WWC2: variants seen among roughly 807,000 people sequenced by gnomAD.
WWC2 encodes the protein protein WWC2.
Under a neutral mutation model 138.5 loss-of-function variants are expected in WWC2, and 101 were observed. The ratio of observed to expected loss-of-function variants is 0.73; its 90% CI spans 0.62 to 0.86. The LOEUF is 0.86. Ranked by LOEUF, WWC2 falls within the 40% of genes least tolerant of loss-of-function variation. The probability of loss-of-function intolerance (pLI) is 0.00; values close to 1 mark genes in which losing one functional copy is unlikely to be tolerated. For missense variants in WWC2, 1,420 were observed against 1,419.4 expected, an observed-to-expected ratio of 1.00 and a Z score of -0.01; for synonymous variants, 558 against 538.4, an observed-to-expected ratio of 1.04 and a Z score of -0.50.
At chr4:183,138,292 A>G (rs1733184227) in intron 1 of WWC2, among the ~76,000 whole-genome samples, 1 of 152,126 alleles carries the variant, frequency 6.6e-6, no homozygotes, top group African/African-American at 2.4e-5. Context: ...TACCATTATA[A>G]GAGGATCTAG....
At position 183,318,653 on chromosome 4, in the gene WWC2, G is replaced by A. The variant is rs1739524365; in HGVS notation, c.*2924G>A. 6.6e-6 allele frequency: 1 copy of A among 152,200 alleles called. No homozygotes were observed. The highest frequency in any genetic ancestry group is 1.5e-5 in the Non-Finnish European group (1 of 68,032). 9.4% of individuals were successfully genotyped at this position (152,200 alleles called of 1,614,324 possible). On this transcript the variant is annotated 3_prime_UTR_variant, in exon 23 of 23. Transcript: ENST00000403733. ...ATTTCATGAAGAAATCCCCAGGCTG[G>A]CAGTTTGTGATGAATAGTTCTTGTT...
chr4:183,270,827 A>T (rs1255980020), intron 15 of WWC2, among the ~76,000 whole-genome samples: 2 of 152,134 alleles, frequency 1.3e-5, no homozygotes, highest in Non-Finnish European at 1.5e-5. Flanking sequence ...GTCTTCGCAA[A>T]ATGGTATCTC....
At chr4:183,123,784 A>G (rs1455906657) in intron 1 of WWC2, among the ~76,000 whole-genome samples, 1 of 152,084 alleles carries the variant, frequency 6.6e-6, no homozygotes, top group East Asian at 1.9e-4. Flanking sequence ...TATTAATATG[A>G]TGAATTTTAT....
At position 183,181,676 on chromosome 4, in the gene WWC2, G is replaced by A. The variant is rs187634425; in HGVS notation, c.132-11923G>A. On this transcript the variant is annotated intron_variant, in intron 1 of 22. Coordinates refer to ENST00000403733, the MANE Select transcript of WWC2 (RefSeq NM_024949.6). ...TGTTTATGTATTGGTGAGGCTTCCG[G>A]TCAACAGTAGGCAGTTAGTAATTAA... 3.3e-5 allele frequency among the ~76,000 whole-genome samples: 5 copies of A among 152,218 alleles called. No individual in the cohort carries two copies. In the East Asian group the frequency reaches 7.7e-4, roughly 23 times the overall value.
intron 15 of WWC2, 28 bp from the exon 16 acceptor site, chr4:183,271,052 T>C (rs752359210): frequency 1.2e-4 from 182 of 1,461,030 alleles, no homozygotes; most frequent in Non-Finnish European, 5.4e-6. Flanking sequence ...CCTTATTTTT[T>C]TTTCTTTGTT....
intron 1 of WWC2, among the ~76,000 whole-genome samples, chr4:183,112,029 C>T (rs531379458): frequency 2.9e-4 from 44 of 152,234 alleles, no homozygotes; most frequent in African/African-American, 1.0e-3. Flanking sequence ...CTTTGTCTCC[C>T]TTCCCCTTTT....
intron 1 of WWC2, among the ~76,000 whole-genome samples, chr4:183,180,169 C>T (rs182332964): frequency 1.2e-4 from 19 of 152,150 alleles, no homozygotes; most frequent in Admixed American, 3.3e-4. Context: ...GGGAACTGCA[C>T]GTGTTAAAGA....
At chr4:183,276,641 T>G (rs997698505) in intron 16 of WWC2, among the ~76,000 whole-genome samples, 4 of 152,162 alleles carry the variant, frequency 2.6e-5, no homozygotes, top group African/African-American at 9.6e-5. Flanking sequence ...TATTATTGTT[T>G]CATTGACAGT....
At chr4:183,184,696 G>A (rs1420115436) in intron 1 of WWC2, among the ~76,000 whole-genome samples, 1 of 152,146 alleles carries the variant, frequency 6.6e-6, no homozygotes, top group Non-Finnish European at 1.5e-5. Context: ...GTGAACTGGT[G>A]CTTCACTGTG....
chr4:183,154,002 C>CAAAAAAAAAAAA (rs35002790), intron 1 of WWC2, among the ~76,000 whole-genome samples: 48 of 71,658 alleles, frequency 6.7e-4, no homozygotes, highest in African/African-American at 2.5e-3. Context: ...CTTTAAAAAG[C>CAAAAAAAAAAAA]AAAAAAAAAA....
At chr4:183,266,000 G>A (rs1342017623) in intron 14 of WWC2, 49 bp downstream of exon 14, 1 of 1,513,594 alleles carries the variant, frequency 6.6e-7, no homozygotes, top group Admixed American at 1.9e-5. Flanking sequence ...ACATTTCCAT[G>A]TAAGAGAATT....
At chr4:183,287,894 G>T (rs1419209801) in intron 20 of WWC2, among the ~76,000 whole-genome samples, 1 of 152,152 alleles carries the variant, frequency 6.6e-6, no homozygotes, top group Non-Finnish European at 1.5e-5. Flanking sequence ...GATGGTAGGA[G>T]TATTTACCAC....
intron 1 of WWC2, among the ~76,000 whole-genome samples, chr4:183,131,569 C>T (rs1475862163): frequency 1.3e-5 from 2 of 152,048 alleles, no homozygotes; most frequent in African/African-American, 2.4e-5. Flanking sequence ...GTTACAAGTT[C>T]CTTAAGTATT....
intron 1 of WWC2, among the ~76,000 whole-genome samples, chr4:183,171,968 G>A (rs1734301639): frequency 6.6e-6 from 1 of 152,030 alleles, no homozygotes; most frequent in African/African-American, 2.4e-5. Flanking sequence ...ACATTTTTAT[G>A]ACTATGTAAA....
rs1399844005 is a variant in WWC2 at position 183,099,424 on chromosome 4, G to A, written c.-68G>A. 1.7e-6 allele frequency: 2 copies of A among 1,187,888 alleles called. No individual in the cohort carries two copies. Among genetic ancestry groups the A allele is most frequent in the Non-Finnish European group, 2.1e-6 (2 of 955,336 alleles). The allele number at this position is 1,187,888 out of a possible 1,614,324, so 73.6% of individuals were successfully genotyped here. On this transcript the variant is annotated 5_prime_UTR_variant, in exon 1 of 23. Transcript: ENST00000403733. Reference sequence around the variant, plus strand: ...CGCGGGTTGGCAGCCTAGCCCGGCAGCCGCGTTCCCGCCGCGTCCCGCGCC... The same window carrying A: ...CGCGGGTTGGCAGCCTAGCCCGGCAACCGCGTTCCCGCCGCGTCCCGCGCC...
In WWC2 at chr4:183,173,316, T is replaced by A. The variant is rs535334443; in HGVS notation, c.132-20283T>A. ...ATCTTCCTGCCTTGGCCTCCCAAAG[T>A]GTTGGGATTGCACGTGTGAGCCACC... is the stretch of plus-strand genomic sequence containing the variant. On this transcript the variant is annotated intron_variant, in intron 1 of 22. Coordinates refer to ENST00000403733, the MANE Select transcript of WWC2 (RefSeq NM_024949.6). Among the ~76,000 whole-genome samples, 3 of 152,262 alleles carry A rather than the reference T, an allele frequency of 2.0e-5. No homozygotes were observed. The South Asian group carries it at 6.2e-4, about 32-fold the overall frequency.
At chr4:183,271,688 G>A (rs1274549511) in intron 16 of WWC2, among the ~76,000 whole-genome samples, 2 of 152,138 alleles carry the variant, frequency 1.3e-5, no homozygotes, top group Admixed American at 6.5e-5. Flanking sequence ...AACATCAATA[G>A]CCATAAGTAT....
At chr4:183,254,460 TTTTG>T (rs1198750804) in intron 9 of WWC2, among the ~76,000 whole-genome samples, 2 of 152,220 alleles carry the variant, frequency 1.3e-5, no homozygotes, top group Non-Finnish European at 1.5e-5. Flanking sequence ...CTCACTTGCA[TTTTG>T]TTTGTCAGTT....
At chr4:183,257,255 A>T (rs1318852579) in intron 9 of WWC2, among the ~76,000 whole-genome samples, 1 of 151,978 alleles carries the variant, frequency 6.6e-6, no homozygotes, top group South Asian at 2.1e-4. Flanking sequence ...CTTCTGAAAA[A>T]TTTTTTAAAG....
Sources: gnomAD v4.1 joint callset for allele counts (sites outside exome capture counted in the v4.1 genomes callset) on GRCh38, gnomAD v4.1.1 for gene constraint, MANE v1.5 for transcripts, NCBI Gene and HGNC (gene_info 2026-07-23, HGNC 2026-07-21) for gene names.